Variants in AGBL4 observed in about 807,000 individuals in gnomAD.
AGBL4 encodes AGBL carboxypeptidase 4.
A neutral mutation model predicts 66.4 loss-of-function variants in AGBL4; 58 were observed. That is an observed-to-expected ratio of 0.87 (90% CI 0.71 to 1.09). The LOEUF is 1.09. Ranked by LOEUF, AGBL4 falls within the 50% of genes least tolerant of loss-of-function variation. The pLI is 0.00. For missense variants in AGBL4, 579 were observed against 631.0 expected (o/e 0.92, Z 0.88); for synonymous variants, 234 against 222.9 (o/e 1.05, Z -0.44).
chr1:48,567,066 C>T (rs1167310637), intron 11 of AGBL4, among the ~76,000 whole-genome samples: 1 of 152,212 alleles, frequency 6.6e-6, no homozygotes, highest in Non-Finnish European at 1.5e-5. Flanking sequence ...AACACCCTGA[C>T]TAATACAGCC....
At chr1:49,576,928 G>A (rs1189091478) in intron 3 of AGBL4, among the ~76,000 whole-genome samples, 8 of 152,200 alleles carry the variant, frequency 5.3e-5, no homozygotes, top group Admixed American at 5.2e-4. Flanking sequence ...GAAGGACAGT[G>A]GTGAAGGGAA....
intron 3 of AGBL4, among the ~76,000 whole-genome samples, chr1:49,368,344 A>G (rs1644279353): frequency 6.6e-6 from 1 of 152,208 alleles, no homozygotes; most frequent in South Asian, 2.1e-4. Context: ...ACTGTTTTCT[A>G]TAGAAAACAC....
At chr1:49,785,198 G>A (rs1196722031) in intron 2 of AGBL4, among the ~76,000 whole-genome samples, 1 of 152,008 alleles carries the variant, frequency 6.6e-6, no homozygotes, top group Non-Finnish European at 1.5e-5. Flanking sequence ...GAGATAGACA[G>A]AACCTGACCA....
intron 6 of AGBL4, among the ~76,000 whole-genome samples, chr1:48,724,953 G>A (rs928796722): frequency 1.3e-5 from 2 of 152,132 alleles, no homozygotes; most frequent in Admixed American, 1.3e-4. Context: ...CACTGGCCTG[G>A]CACAAGAATC....
intron 6 of AGBL4, among the ~76,000 whole-genome samples, chr1:48,811,401 T>C (rs1327145340): frequency 2.0e-5 from 3 of 152,220 alleles, no homozygotes; most frequent in Non-Finnish European, 4.4e-5. Context: ...AATCCCAATT[T>C]TGTGCCTTCT....
At chr1:49,667,725 A>C (rs1646397498) in intron 3 of AGBL4, among the ~76,000 whole-genome samples, 1 of 152,188 alleles carries the variant, frequency 6.6e-6, no homozygotes, top group Admixed American at 6.5e-5. Flanking sequence ...CTAGAAGCAA[A>C]AATAACAATG....
chr1:49,018,986 A>G (rs1663032660), intron 5 of AGBL4, among the ~76,000 whole-genome samples: 1 of 152,110 alleles, frequency 6.6e-6, no homozygotes, highest in Admixed American at 6.5e-5. Context: ...AAAAAAACAA[A>G]CGATTCTGGC....
intron 4 of AGBL4, among the ~76,000 whole-genome samples, chr1:49,073,824 A>G (rs944513521): frequency 6.6e-6 from 1 of 152,204 alleles, no homozygotes; most frequent in African/African-American, 2.4e-5. Flanking sequence ...AGACAGGAAC[A>G]TTTAAGTCTG....
At chr1:49,898,530 ACAACTGCTATGGG>A (rs1406493221) in intron 1 of AGBL4, among the ~76,000 whole-genome samples, 23 of 152,130 alleles carry the variant, frequency 1.5e-4, no homozygotes, top group African/African-American at 5.5e-4. Context: ...GTAAATTAGT[ACAACTGCTATGGG>A]AACAGTTTTG....
chr1:48,629,919 C>T (rs1645566443), intron 9 of AGBL4, among the ~76,000 whole-genome samples: 1 of 152,128 alleles, frequency 6.6e-6, no homozygotes, highest in African/African-American at 2.4e-5. Flanking sequence ...TCAGGAAAGT[C>T]TTCTAAAACC....
intron 3 of AGBL4, among the ~76,000 whole-genome samples, chr1:49,540,595 C>T (rs1651934514): frequency 6.6e-6 from 1 of 151,960 alleles, no homozygotes; most frequent in Non-Finnish European, 1.5e-5. Flanking sequence ...CAAAAGTTAG[C>T]AAAAGGATGT....
At chr1:49,763,839 G>A (rs1652523750) in intron 2 of AGBL4, among the ~76,000 whole-genome samples, 2 of 152,266 alleles carry the variant, frequency 1.3e-5, no homozygotes, top group East Asian at 1.9e-4. Flanking sequence ...CCCCAACAAG[G>A]GAGGACAGGC....
At chr1:49,486,299 T>C (rs1647065409) in intron 3 of AGBL4, among the ~76,000 whole-genome samples, 1 of 152,042 alleles carries the variant, frequency 6.6e-6, no homozygotes. Context: ...ATCATATGTA[T>C]TGTTCTTTTA....
intron 4 of AGBL4, among the ~76,000 whole-genome samples, chr1:49,113,410 AT>A (rs35466088): frequency 0.68 from 101,273 of 149,624 alleles, 34,650 homozygotes; most frequent in African/African-American, 0.75. Flanking sequence ...ACACCAGGCT[AT>A]TTTTTTTTTT....
At chr1:49,669,939 G>A (rs1290086519) in intron 3 of AGBL4, among the ~76,000 whole-genome samples, 1 of 151,972 alleles carries the variant, frequency 6.6e-6, no homozygotes, top group Non-Finnish European at 1.5e-5. Context: ...GAAAAAGTTG[G>A]ATAGGCACTC....
intron 3 of AGBL4, among the ~76,000 whole-genome samples, chr1:49,323,770 G>GA (rs74260635): frequency 0.043 from 5,395 of 124,818 alleles, 221 homozygotes; most frequent in African/African-American, 0.12. Flanking sequence ...CCCCGTTTCA[G>GA]AAAAAAAAAA....
chr1:49,598,284 A>T (rs1644887725), intron 3 of AGBL4, among the ~76,000 whole-genome samples: 1 of 152,126 alleles, frequency 6.6e-6, no homozygotes, highest in South Asian at 2.1e-4. Context: ...GGAGGAGGAG[A>T]TGCGCTCTGC....
intron 3 of AGBL4, among the ~76,000 whole-genome samples, chr1:49,287,201 C>G (rs1345514835): frequency 7.5e-6 from 1 of 133,992 alleles, no homozygotes; most frequent in Non-Finnish European, 1.6e-5. Context: ...ACACCTTATA[C>G]AAAAATCAAT....
intron 1 of AGBL4, among the ~76,000 whole-genome samples, chr1:49,993,226 G>A (rs1660098195): frequency 1.3e-5 from 2 of 152,182 alleles, no homozygotes. Context: ...ATATTTTAAT[G>A]TGGTTACTAG....
Sources: gnomAD v4.1 joint callset for allele counts (sites outside exome capture counted in the v4.1 genomes callset) on GRCh38, gnomAD v4.1.1 for gene constraint, MANE v1.5 for transcripts, NCBI Gene and HGNC (gene_info 2026-07-23, HGNC 2026-07-21) for gene names.